FAM185A: variants seen among roughly 807,000 people sequenced by gnomAD.
FAM185A encodes the protein protein FAM185A.
A neutral mutation model predicts 45.7 loss-of-function variants in FAM185A; 21 were observed. The observed-to-expected ratio is 0.46, with a 90% confidence interval of 0.33 to 0.66. The LOEUF (loss-of-function observed/expected upper bound fraction) is 0.66, where lower values mean the gene tolerates loss of function less well. Ranked by LOEUF, FAM185A falls within the 30% of genes least tolerant of loss-of-function variation. The pLI is 0.03. For synonymous variants in FAM185A, 117 were observed against 194.0 expected, an observed-to-expected ratio of 0.60 and a Z score of 3.30; for missense variants, 305 against 485.4, an observed-to-expected ratio of 0.63 and a Z score of 3.49.
chr7:102,806,416 C>T (rs6949391), intron 7 of FAM185A, among the ~76,000 whole-genome samples: 68,887 of 152,020 alleles, frequency 0.45, 17,338 homozygotes, highest in African/African-American at 0.68. Context: ...AACTCCTGAC[C>T]GCAGGTGACC....
the FAM185A span, among the ~76,000 whole-genome samples, chr7:102,826,237 T>C: frequency 6.6e-6 from 1 of 152,142 alleles, no homozygotes; most frequent in East Asian, 1.9e-4. Context: ...GCCTTGAAGA[T>C]GGACAGCAAG....
intron 7 of FAM185A, among the ~76,000 whole-genome samples, chr7:102,805,750 A>T (rs893525300): frequency 2.0e-5 from 3 of 152,186 alleles, no homozygotes; most frequent in African/African-American, 7.2e-5. Flanking sequence ...CAAAGTCATA[A>T]ATTGATACAT....
At chr7:102,772,674 GA>G (rs1242822586) in intron 5 of FAM185A, among the ~76,000 whole-genome samples, 4 of 139,960 alleles carry the variant, frequency 2.9e-5, no homozygotes, top group Non-Finnish European at 4.7e-5. Flanking sequence ...CTTCTCTGAA[GA>G]AAAAAAAAAG....
At chr7:102,825,729 T>C in the FAM185A span, among the ~76,000 whole-genome samples, 1 of 152,178 alleles carries the variant, frequency 6.6e-6, no homozygotes, top group East Asian at 1.9e-4. Flanking sequence ...AATGTGCAAT[T>C]TGGTAGGTAA....
At chr7:102,795,315 A>T (rs1796383050) in intron 7 of FAM185A, among the ~76,000 whole-genome samples, 1 of 152,166 alleles carries the variant, frequency 6.6e-6, no homozygotes, top group South Asian at 2.1e-4. Flanking sequence ...TGTTTTTGTA[A>T]CTTCTTGTCA....
downstream of FAM185A, among the ~76,000 whole-genome samples, chr7:102,812,898 AGTGACGT>A (rs372513542): frequency 1.8e-3 from 251 of 142,142 alleles, no homozygotes; most frequent in African/African-American, 6.5e-3. Flanking sequence ...GCTGGAATGC[AGTGACGT>A]GATCTAGGCT....
the FAM185A span, among the ~76,000 whole-genome samples, chr7:102,846,110 A>G: frequency 2.0e-5 from 3 of 152,244 alleles, no homozygotes; most frequent in Non-Finnish European, 2.9e-5. Flanking sequence ...AGTAAGGGCT[A>G]AATTGATATT....
Position 102,770,033 on chromosome 7 carries a change from C to T in FAM185A, c.794-2376C>T, listed in dbSNP as rs562290708. On this transcript the variant is annotated intron_variant, in intron 4 of 7. Coordinates refer to ENST00000413034, the MANE Select transcript of FAM185A (RefSeq NM_001145268.2). ...AACTTTTGTGGGAACGTTCAAACCA[C>T]AACAAGCAGTAAAGAGAATGCTGAG... Among the ~76,000 whole-genome samples the T allele has an allele frequency of 4.6e-5, 7 of 152,266 alleles. 1 individual carries two copies. Among genetic ancestry groups the T allele is most frequent in the African/African-American group, 1.7e-4 (7 of 41,536 alleles).
intron 7 of FAM185A, among the ~76,000 whole-genome samples, chr7:102,788,163 T>C (rs1445134779): frequency 1.3e-5 from 2 of 152,088 alleles, no homozygotes; most frequent in African/African-American, 2.4e-5. Context: ...GAGACAGGGT[T>C]TTACCATGTT....
chr7:102,780,509 G>A (rs1040620422), intron 6 of FAM185A, among the ~76,000 whole-genome samples: 20 of 152,136 alleles, frequency 1.3e-4, no homozygotes, highest in Admixed American at 9.8e-4. Flanking sequence ...TTAGTGAGTT[G>A]GAATTCAAAT....
chr7:102,772,419 A>G lies in FAM185A; in HGVS notation c.804A>G (p.Thr268=). The G allele has an allele frequency of 1.3e-6, 2 of 1,543,870 alleles. No individual in the cohort carries two copies. The highest frequency in any genetic ancestry group is 1.7e-6 in the Non-Finnish European group (2 of 1,143,858). The change falls in exon 5 of 8, where the codon ACA becomes ACG. Residue 268 remains threonine, a synonymous_variant. Transcript: ENST00000413034. ...TTTTCTTTTTGGCAGGTAATATAAC[A>G]TTACAAAGCAAGATGGGTAACATCA... ...ITLGSVHGNI[T]LQSKMGNITV...
At chr7:102,782,319 G>A (rs1171284447) in intron 6 of FAM185A, among the ~76,000 whole-genome samples, 3 of 152,058 alleles carry the variant, frequency 2.0e-5, no homozygotes, top group Admixed American at 1.3e-4. Context: ...GATACTCCTC[G>A]AGAAGAGCAA....
intron 7 of FAM185A, among the ~76,000 whole-genome samples, chr7:102,794,035 C>CAAAAAAAAA (rs765672577): frequency 1.6e-5 from 1 of 60,608 alleles, no homozygotes; most frequent in African/African-American, 6.6e-5. Flanking sequence ...GACTCTGTCT[C>CAAAAAAAAA]AAAAAAAAAA....
At chr7:102,796,384 C>G (rs533042620) in intron 7 of FAM185A, among the ~76,000 whole-genome samples, 1 of 152,374 alleles carries the variant, frequency 6.6e-6, no homozygotes, top group African/African-American at 2.4e-5. Context: ...AGCTGCATGA[C>G]TCCTAAACCA....
At chr7:102,824,852 G>GGCA in the FAM185A span, among the ~76,000 whole-genome samples, 1 of 148,892 alleles carries the variant, frequency 6.7e-6, no homozygotes, top group South Asian at 2.1e-4. Flanking sequence ...TGGAACTCCT[G>GGCA]GGCTCAAGCT....
At chr7:102,834,080 GGAAAGAAA>G in the FAM185A span, among the ~76,000 whole-genome samples, 1 of 91,538 alleles carries the variant, frequency 1.1e-5, no homozygotes, top group African/African-American at 4.9e-5. Flanking sequence ...AAGGAAGGAA[GGAAAGAAA>G]AGAAAGAAAG....
At chr7:102,824,746 A>G in the FAM185A span, among the ~76,000 whole-genome samples, 1 of 150,428 alleles carries the variant, frequency 6.6e-6, no homozygotes, top group African/African-American at 2.4e-5. Context: ...TTGGCCTCCT[A>G]AAGTGCTGGG....
the FAM185A span, chr7:102,814,384 T>C: frequency 2.6e-5 from 4 of 152,150 alleles, no homozygotes; most frequent in Non-Finnish European, 5.9e-5. Flanking sequence ...GATATGGAGC[T>C]GGCATTACCA....
rs372386819 is a variant in FAM185A, at chr7:102,805,810, G to C, written c.1067-2480G>C. 2.4e-4 allele frequency among the ~76,000 whole-genome samples: 37 copies of C among 152,290 alleles called. No individual in the cohort carries two copies. The East Asian group carries it at 5.6e-3, about 23-fold the overall frequency. On this transcript the variant is annotated intron_variant, in intron 7 of 7. Coordinates refer to ENST00000413034, the MANE Select transcript of FAM185A (RefSeq NM_001145268.2). ...AAAAAGTCAAGACATCTAGAAGCAG[G>C]GGGGCTGCAGGTTATAGGTGGATTT...
Sources: gnomAD v4.1 joint callset for allele counts (sites outside exome capture counted in the v4.1 genomes callset) on GRCh38, gnomAD v4.1.1 for gene constraint, MANE v1.5 for transcripts, NCBI Gene and HGNC (gene_info 2026-07-23, HGNC 2026-07-21) for gene names.